Variants in TENM2 observed in about 807,000 individuals in gnomAD.
The protein encoded by TENM2 is teneurin transmembrane protein 2.
Under a neutral mutation model 245.2 loss-of-function variants are expected in TENM2, and 52 were observed. The ratio of observed to expected loss-of-function variants is 0.21; its 90% confidence interval spans 0.17 to 0.27. The LOEUF is 0.27. Ranked by LOEUF, TENM2 falls within the 10% of genes least tolerant of loss-of-function variation. TENM2 has a pLI of 1.00. For missense variants in TENM2, 3,046 were observed against 3,666.8 expected (o/e 0.83, Z 4.37); for synonymous variants, 1,363 against 1,438.9 (o/e 0.95, Z 1.19).
chr5:167,145,197 C>T, the TENM2 span, among the ~76,000 whole-genome samples: 1 of 152,166 alleles, frequency 6.6e-6, no homozygotes, highest in Non-Finnish European at 1.5e-5. Flanking sequence ...TGTAAGGTAA[C>T]GTAGTCGCAG....
chr5:167,273,473 C>T, the TENM2 span, among the ~76,000 whole-genome samples: 7 of 152,222 alleles, frequency 4.6e-5, no homozygotes, highest in African/African-American at 1.7e-4. Flanking sequence ...CCTTAACTTT[C>T]AAGGACAACT....
At chr5:167,510,890 T>G (rs1362358746) in intron 2 of TENM2, among the ~76,000 whole-genome samples, 2 of 152,118 alleles carry the variant, frequency 1.3e-5, no homozygotes, top group Non-Finnish European at 2.9e-5. Context: ...TCATAGCTTT[T>G]TGTCATTTTG....
chr5:168,131,303 C>G (rs1384773679), intron 12 of TENM2, among the ~76,000 whole-genome samples: 4 of 152,198 alleles, frequency 2.6e-5, no homozygotes, highest in Non-Finnish European at 5.9e-5. Context: ...ATGGTTATTT[C>G]AACTTGTGTA....
chr5:167,495,695 A>C, intron 2 of TENM2, among the ~76,000 whole-genome samples: 1 of 152,074 alleles, frequency 6.6e-6, no homozygotes. Flanking sequence ...GTATCTCTGC[A>C]GTAAAATTTG....
intron 2 of TENM2, among the ~76,000 whole-genome samples, chr5:167,527,094 C>T (rs1309782468): frequency 6.6e-6 from 1 of 152,080 alleles, no homozygotes; most frequent in African/African-American, 2.4e-5. Flanking sequence ...TTATCCACCC[C>T]TACTCACCTA....
At chr5:168,166,833 C>G (rs1460632396) in intron 13 of TENM2, among the ~76,000 whole-genome samples, 1 of 152,104 alleles carries the variant, frequency 6.6e-6, no homozygotes, top group African/African-American at 2.4e-5. Flanking sequence ...AGATGAAAAT[C>G]CCTGTTGGAG....
At chr5:167,366,926 A>G (rs1032300132) in intron 1 of TENM2, among the ~76,000 whole-genome samples, 5 of 152,088 alleles carry the variant, frequency 3.3e-5, no homozygotes, top group African/African-American at 1.2e-4. Context: ...TTTCGTTGGA[A>G]TTTTCATCAG....
chr5:167,343,031 G>T (rs979818794), intron 1 of TENM2, among the ~76,000 whole-genome samples: 1 of 152,012 alleles, frequency 6.6e-6, no homozygotes, highest in South Asian at 2.1e-4. Flanking sequence ...ATTTATGTCA[G>T]TATGGACTCC....
chr5:167,166,953 G>A, the TENM2 span, among the ~76,000 whole-genome samples: 1 of 152,112 alleles, frequency 6.6e-6, no homozygotes, highest in Non-Finnish European at 1.5e-5. Context: ...GATGAGCAAA[G>A]CCATACCATG....
intron 2 of TENM2, chr5:167,653,390 G>A (rs962111178): frequency 1.3e-5 from 2 of 152,090 alleles, no homozygotes; most frequent in Non-Finnish European, 2.9e-5. Flanking sequence ...AGAGCAGCTG[G>A]AATTACAGGC....
chr5:167,470,666 CTCCTCT>C (rs1766967914), intron 2 of TENM2, among the ~76,000 whole-genome samples: 1 of 151,646 alleles, frequency 6.6e-6, no homozygotes, highest in Non-Finnish European at 1.5e-5. Context: ...GAAGAAGTTC[CTCCTCT>C]ACTCAATGAT....
chr5:167,432,165 A>C (rs1174390159), intron 2 of TENM2, among the ~76,000 whole-genome samples: 1 of 151,466 alleles, frequency 6.6e-6, no homozygotes, highest in African/African-American at 2.4e-5. Flanking sequence ...AGAGATTCGC[A>C]ATATGGGAAA....
Position 167,541,777 on chromosome 5 carries a change from A to T in TENM2, c.502+166304A>T, listed in dbSNP as rs566124940. On this transcript the variant is annotated intron_variant, in intron 2 of 28. Transcript: ENST00000518659. ...ATTCATTTCCTCTGAAACAATGTGCATTAGGAAAATATTTTGAAATTATAC... is the reference window on the plus strand; with the variant it reads ...ATTCATTTCCTCTGAAACAATGTGCTTTAGGAAAATATTTTGAAATTATAC... Among the ~76,000 whole-genome samples the T allele has an allele frequency of 5.2e-4, 79 of 152,340 alleles. No individual in the cohort carries two copies. In the South Asian group the frequency reaches 0.016, roughly 30 times the overall value.
At chr5:168,138,725 C>T (rs188041395) in intron 12 of TENM2, among the ~76,000 whole-genome samples, 18 of 152,356 alleles carry the variant, frequency 1.2e-4, no homozygotes, top group Admixed American at 2.6e-4. Flanking sequence ...ATAAGAAAGC[C>T]ACACACATCA....
chr5:168,199,836 G>A (rs757279829), intron 16 of TENM2, 28 bp from the exon 19 acceptor site: 5 of 1,606,644 alleles, frequency 3.1e-6, no homozygotes, highest in Non-Finnish European at 4.2e-6. Context: ...TGTTTTAGGT[G>A]TGTGTCTGCC....
chr5:167,420,185 G>A (rs1193686623), intron 2 of TENM2, among the ~76,000 whole-genome samples: 1 of 152,196 alleles, frequency 6.6e-6, no homozygotes, highest in Non-Finnish European at 1.5e-5. Context: ...GTGAAAAGTG[G>A]AGAGCTTATT....
intron 2 of TENM2, among the ~76,000 whole-genome samples, chr5:167,770,290 G>A (rs988327664): frequency 6.6e-6 from 1 of 152,114 alleles, no homozygotes; most frequent in Non-Finnish European, 1.5e-5. Context: ...TCCAGACAAG[G>A]AAAGCAGGAT....
intron 2 of TENM2, among the ~76,000 whole-genome samples, chr5:167,429,187 T>C (rs993579571): frequency 6.6e-6 from 1 of 152,204 alleles, no homozygotes; most frequent in Non-Finnish European, 1.5e-5. Flanking sequence ...AGACAACTTC[T>C]GGCAGGGATG....
At chr5:167,272,786 C>T in the TENM2 span, among the ~76,000 whole-genome samples, 35 of 152,110 alleles carry the variant, frequency 2.3e-4, no homozygotes, top group Middle Eastern at 3.2e-3. Flanking sequence ...TTTTAGAAGA[C>T]ACAAATATTT....
Sources: gnomAD v4.1 joint callset for allele counts (sites outside exome capture counted in the v4.1 genomes callset) on GRCh38, gnomAD v4.1.1 for gene constraint, MANE v1.5 for transcripts, NCBI Gene and HGNC (gene_info 2026-07-23, HGNC 2026-07-21) for gene names.